Variants in AGMO observed in about 807,000 individuals in gnomAD.
AGMO encodes the protein alkylglycerol monooxygenase.
A neutral mutation model predicts 60.2 loss-of-function variants in AGMO; 75 were observed. The observed-to-expected ratio is 1.25, with a 90% CI of 1.03 to 1.51. The LOEUF is 1.51. AGMO is among the 40% of genes most tolerant of loss of function. AGMO has a pLI of 0.00. For synonymous variants in AGMO, 261 were observed against 177.1 expected (o/e 1.47, Z -3.76); for missense variants, 763 against 525.5 (o/e 1.45, Z -4.42).
chr7:15,373,951 G>A (rs1377940139), intron 10 of AGMO, among the ~76,000 whole-genome samples: 1 of 152,174 alleles, frequency 6.6e-6, no homozygotes, highest in Non-Finnish European at 1.5e-5. Flanking sequence ...AATCTCTGCT[G>A]TGAAGGCAGC....
At chr7:15,331,194 C>T (rs1024625931) in intron 12 of AGMO, among the ~76,000 whole-genome samples, 6 of 152,074 alleles carry the variant, frequency 3.9e-5, no homozygotes, top group Admixed American at 3.3e-4. Context: ...ATGACTTCGT[C>T]CCCAGGCAAG....
chr7:15,148,190 A>G, the AGMO span, among the ~76,000 whole-genome samples: 1 of 152,014 alleles, frequency 6.6e-6, no homozygotes, highest in East Asian at 1.9e-4. Flanking sequence ...TTCTGCCTAA[A>G]GTACATATTT....
chr7:15,147,478 C>T, the AGMO span, among the ~76,000 whole-genome samples: 10 of 151,832 alleles, frequency 6.6e-5, no homozygotes, highest in Non-Finnish European at 1.2e-4. Context: ...TATTCACTAT[C>T]CCAAGAAGAG....
chr7:15,248,216 A>ATATATATATAT (rs1554401280), intron 12 of AGMO, among the ~76,000 whole-genome samples: 2 of 107,724 alleles, frequency 1.9e-5, no homozygotes, highest in African/African-American at 6.7e-5. Flanking sequence ...ATATATATAT[A>ATATATATATAT]TATATATATC....
chr7:15,276,816 C>A (rs1293425927), intron 12 of AGMO, among the ~76,000 whole-genome samples: 1 of 149,166 alleles, frequency 6.7e-6, no homozygotes. Context: ...TCTGCTTGGT[C>A]TAGTTTATTG....
rs370070265 is a variant in AGMO at position 15,467,501 on chromosome 7, T to C, written c.410-36393A>G. Among the ~76,000 whole-genome samples the C allele has an allele frequency of 4.6e-5, 7 of 152,188 alleles. No homozygotes were observed. In the East Asian group the frequency reaches 1.3e-3, roughly 29 times the overall value. ...CTGAAGACATTGTAATGTTTTTCCTTTCCACAAAACAAAATCAAAAGCATT... is the reference window on the plus strand; with the variant it reads ...CTGAAGACATTGTAATGTTTTTCCTCTCCACAAAACAAAATCAAAAGCATT... On this transcript the variant is annotated intron_variant, in intron 3 of 12. Transcript: ENST00000342526.
intron 3 of AGMO, among the ~76,000 whole-genome samples, chr7:15,514,730 A>G (rs936146044): frequency 6.6e-6 from 1 of 152,190 alleles, no homozygotes; most frequent in Admixed American, 6.5e-5. Context: ...CTAGTAGTAT[A>G]CTTTGCATGA....
intron 4 of AGMO, among the ~76,000 whole-genome samples, chr7:15,426,512 G>A (rs111469850): frequency 0.012 from 1,822 of 152,214 alleles, 30 homozygotes; most frequent in African/African-American, 0.04. Context: ...ACTTTGGGGG[G>A]CTGAGGCAGG....
chr7:15,337,626 G>A (rs1380867308), intron 12 of AGMO, among the ~76,000 whole-genome samples: 1 of 152,108 alleles, frequency 6.6e-6, no homozygotes, highest in Non-Finnish European at 1.5e-5. Context: ...GAAAATGAGA[G>A]GGCCAACTGC....
At chr7:15,363,181 AGT>A (rs1281896434) in intron 12 of AGMO, among the ~76,000 whole-genome samples, 3 of 152,230 alleles carry the variant, frequency 2.0e-5, no homozygotes, top group Non-Finnish European at 4.4e-5. Flanking sequence ...TCACAGATAC[AGT>A]GTCAGGACCA....
chr7:15,299,010 T>C (rs1406543378), intron 12 of AGMO, among the ~76,000 whole-genome samples: 1 of 152,162 alleles, frequency 6.6e-6, no homozygotes, highest in Non-Finnish European at 1.5e-5. Flanking sequence ...TTGTGATTTC[T>C]AAGTATCTTT....
chr7:15,357,480 C>T (rs1456004237), intron 12 of AGMO, among the ~76,000 whole-genome samples: 2 of 152,118 alleles, frequency 1.3e-5, no homozygotes, highest in African/African-American at 4.8e-5. Flanking sequence ...TGCCCTTTTG[C>T]AATTGATCTT....
the AGMO span, among the ~76,000 whole-genome samples, chr7:15,123,879 C>T: frequency 1.3e-5 from 2 of 152,032 alleles, no homozygotes; most frequent in African/African-American, 2.4e-5. Context: ...GTAATTTATT[C>T]CAGTAAAGTG....
At chr7:15,343,865 T>C (rs1201562912) in intron 12 of AGMO, among the ~76,000 whole-genome samples, 3 of 152,214 alleles carry the variant, frequency 2.0e-5, no homozygotes, top group Non-Finnish European at 4.4e-5. Flanking sequence ...TTTCTTGTAG[T>C]ATGTCTTAAG....
At chr7:15,558,046 T>A (rs1785197527) in intron 2 of AGMO, among the ~76,000 whole-genome samples, 1 of 151,796 alleles carries the variant, frequency 6.6e-6, no homozygotes, top group African/African-American at 2.4e-5. Flanking sequence ...TCTCTGCTTT[T>A]TGGGGTGTAT....
chr7:15,250,980 TAGC>T (rs1469271504), intron 12 of AGMO, among the ~76,000 whole-genome samples: 1 of 151,948 alleles, frequency 6.6e-6, no homozygotes, highest in Non-Finnish European at 1.5e-5. Flanking sequence ...CTGAATGTGT[TAGC>T]AGGAAAAAAA....
At chr7:15,407,647 T>C (rs770563422) in intron 5 of AGMO, among the ~76,000 whole-genome samples, 2 of 151,880 alleles carry the variant, frequency 1.3e-5, no homozygotes, top group Non-Finnish European at 2.9e-5. Flanking sequence ...TATTTAACTC[T>C]AGCAATAATT....
intron 11 of AGMO, 126 bp from the exon 12 acceptor site, chr7:15,365,745 G>T: frequency 1.5e-6 from 1 of 672,314 alleles, no homozygotes; most frequent in Non-Finnish European, 2.5e-6. Context: ...TGAAAAGCAT[G>T]TCCCCTGAAG....
At chr7:15,461,678 A>T (rs1207079065) in intron 3 of AGMO, among the ~76,000 whole-genome samples, 1 of 152,044 alleles carries the variant, frequency 6.6e-6, no homozygotes, top group Non-Finnish European at 1.5e-5. Flanking sequence ...CCTCTGGGAG[A>T]TCAGAAGGAA....
Sources: allele counts gnomAD v4.1 joint callset (sites outside exome capture counted in the v4.1 genomes callset), GRCh38; gene constraint gnomAD v4.1.1; transcripts MANE v1.5; gene names NCBI Gene and HGNC (gene_info 2026-07-23, HGNC 2026-07-21).